The following SNRPC variants were observed in gnomAD, a reference collection of about 807,000 sequenced individuals.
SNRPC encodes the protein U1 small nuclear ribonucleoprotein C.
Under a neutral mutation model 20.0 loss-of-function variants are expected in SNRPC, and 5 were observed. The ratio of observed to expected loss-of-function variants is 0.25; its 90% CI spans 0.13 to 0.53. The LOEUF is 0.53. Ranked by LOEUF, SNRPC falls within the 20% of genes least tolerant of loss-of-function variation. The probability of loss-of-function intolerance (pLI) is 0.96; values close to 1 mark genes in which losing one functional copy is unlikely to be tolerated. For synonymous variants in SNRPC, 61 were observed against 58.7 expected (o/e 1.04, Z -0.18); for missense variants, 112 against 224.1 (o/e 0.50, Z 3.19).
At chr6:34,764,141 C>T (rs1049361713) in intron 3 of SNRPC, among the ~76,000 whole-genome samples, 2 of 150,146 alleles carry the variant, frequency 1.3e-5, no homozygotes, top group South Asian at 2.1e-4. Flanking sequence ...GTCAGGAGTT[C>T]GAGACCAGCT....
chr6:34,764,977 C>T (rs1242954640), intron 3 of SNRPC, among the ~76,000 whole-genome samples: 3 of 152,150 alleles, frequency 2.0e-5, no homozygotes, highest in East Asian at 3.9e-4. Context: ...ACAGAGATCT[C>T]GCCACTGCAT....
At chr6:34,765,709 A>T (rs1017437213) in intron 3 of SNRPC, among the ~76,000 whole-genome samples, 1 of 151,188 alleles carries the variant, frequency 6.6e-6, no homozygotes, top group Admixed American at 6.6e-5. Flanking sequence ...AAGTGCTGGG[A>T]TTACAGGCCA....
At chr6:34,767,875 C>CTTTTTTTTTTT in intron 3 of SNRPC, 33 bp from the exon 4 acceptor site, 1 of 1,343,338 alleles carries the variant, frequency 7.4e-7, no homozygotes, top group Admixed American at 2.8e-5. Context: ...TCTTATTCAT[C>CTTTTTTTTTTT]TTTTTTTTTT....
chr6:34,768,578 C>A (rs1764644142), intron 4 of SNRPC, among the ~76,000 whole-genome samples: 1 of 151,756 alleles, frequency 6.6e-6, no homozygotes, highest in African/African-American at 2.4e-5. Context: ...ATCGTGAAAC[C>A]CCATCCCTAC....
Position 34,767,903 on chromosome 6 carries a change from C to G in SNRPC, c.161-5C>G. On this transcript the variant is annotated splice_region_variant and splice_polypyrimidine_tract_variant and intron_variant, in intron 3 of 5. Transcript: ENST00000244520. Reference sequence around the variant, plus strand: ...TTTTTTTTTTTTTTTCCTCACCCTCCAAAGCGGCTGCATTTCAACAAGGAA... The same window carrying G: ...TTTTTTTTTTTTTTTCCTCACCCTCGAAAGCGGCTGCATTTCAACAAGGAA... The G allele has an allele frequency of 1.3e-6, 2 of 1,491,512 alleles. No homozygotes were observed. Among genetic ancestry groups the G allele is most frequent in the Non-Finnish European group, 1.8e-6 (2 of 1,109,488 alleles). The allele number at this position is 1,491,512 out of a possible 1,614,324, so 92.4% of individuals were successfully genotyped here. A position where few individuals can be genotyped will look rare whatever the true frequency, so the allele number is the denominator to read the frequency against.
At chr6:34,763,693 T>C (rs1424344212) in intron 3 of SNRPC, among the ~76,000 whole-genome samples, 2 of 136,522 alleles carry the variant, frequency 1.5e-5, no homozygotes, top group Non-Finnish European at 1.6e-5. Flanking sequence ...AAAAAAAAAA[T>C]TAAAAATTTG....
In SNRPC at chr6:34,768,129, A is replaced by G. The variant is rs919082982; in HGVS notation, c.250+132A>G. 1.6e-5 allele frequency: 10 copies of G among 627,372 alleles called. No homozygotes were observed. In the African/African-American group the frequency reaches 1.9e-4, roughly 12 times the overall value. 38.9% of individuals were successfully genotyped at this position (627,372 alleles called of 1,614,324 possible). ...GATAGTAATATAAATGTATAAATATATAAATGTTGAATATAGATGCAGGTA... is the reference window on the plus strand; with the variant it reads ...GATAGTAATATAAATGTATAAATATGTAAATGTTGAATATAGATGCAGGTA... On this transcript the variant is annotated intron_variant, in intron 4 of 5. Transcript: ENST00000244520.
intron 3 of SNRPC, among the ~76,000 whole-genome samples, chr6:34,765,435 ATTTAT>A (rs1308358578): frequency 7.9e-5 from 12 of 150,990 alleles, no homozygotes; most frequent in Non-Finnish European, 1.6e-4. Flanking sequence ...TTATTTATTT[ATTTAT>A]TTTATTTATT....
chr6:34,758,220 G>T (rs1478182397), intron 2 of SNRPC, among the ~76,000 whole-genome samples: 1 of 152,160 alleles, frequency 6.6e-6, no homozygotes, highest in Non-Finnish European at 1.5e-5. Context: ...CCAGGCTGCA[G>T]TGAGGCATGA....
chr6:34,760,263 C>T (rs1764517781), intron 2 of SNRPC, among the ~76,000 whole-genome samples: 1 of 151,978 alleles, frequency 6.6e-6, no homozygotes, highest in African/African-American at 2.4e-5. Context: ...CAGGCCTGCA[C>T]CACCACACCT....
In SNRPC at chr6:34,763,433, G is replaced by A. The variant is rs148339687; in HGVS notation, c.160+730G>A. On this transcript the variant is annotated intron_variant, in intron 3 of 5. Coordinates refer to ENST00000244520, the MANE Select transcript of SNRPC (RefSeq NM_003093.3). ...GCAGTGGCTGATGCCTGTAATCCCA[G>A]TACTTTGGGAGGCCGAGGCTGGCAG... Among the ~76,000 whole-genome samples, 1,120 of 152,162 alleles carry A rather than the reference G, an allele frequency of 7.4e-3. 21 individuals carry two copies. Among genetic ancestry groups the A allele is most frequent in the African/African-American group, 0.026 (1,065 of 41,518 alleles).
At chr6:34,759,625 GAAGA>G (rs1248230935) in intron 2 of SNRPC, among the ~76,000 whole-genome samples, 7 of 152,182 alleles carry the variant, frequency 4.6e-5, no homozygotes, top group Non-Finnish European at 1.5e-5. Flanking sequence ...TACATACGTT[GAAGA>G]ATACAGTGAT....
intron 2 of SNRPC, among the ~76,000 whole-genome samples, chr6:34,758,754 A>G (rs572104841): frequency 6.6e-6 from 1 of 152,280 alleles, no homozygotes; most frequent in Non-Finnish European, 1.5e-5. Context: ...GTTCAAATGT[A>G]GACACATTTG....
At chr6:34,768,471 G>T (rs2127407459) in intron 4 of SNRPC, among the ~76,000 whole-genome samples, 1 of 152,270 alleles carries the variant, frequency 6.6e-6, no homozygotes, top group Middle Eastern at 3.4e-3. Flanking sequence ...TAAGAATTAG[G>T]CTGGGCGTGG....
intron 5 of SNRPC, among the ~76,000 whole-genome samples, chr6:34,770,744 A>G (rs1215672619): frequency 1.3e-5 from 2 of 152,110 alleles, no homozygotes; most frequent in Non-Finnish European, 2.9e-5. Flanking sequence ...GCTTTTGGCC[A>G]TTTATACTGA....
intron 5 of SNRPC, among the ~76,000 whole-genome samples, chr6:34,771,525 G>A (rs1329683138): frequency 6.6e-6 from 1 of 151,958 alleles, no homozygotes; most frequent in East Asian, 1.9e-4. Context: ...AGCATTTTTT[G>A]GTGATAGTTT....
chr6:34,763,231 A>G (rs1330488813), intron 3 of SNRPC, among the ~76,000 whole-genome samples: 1 of 152,186 alleles, frequency 6.6e-6, no homozygotes, highest in East Asian at 1.9e-4. Flanking sequence ...TTTGTTAGGA[A>G]CATTTTGTTC....
At chr6:34,772,765 C>G (rs570414469) in intron 5 of SNRPC, among the ~76,000 whole-genome samples, 2 of 152,104 alleles carry the variant, frequency 1.3e-5, no homozygotes, top group Non-Finnish European at 2.9e-5. Flanking sequence ...CCTCCCCTAC[C>G]CCTCTGCCTG....
At chr6:34,767,846 A>G (rs1360551133) in intron 3 of SNRPC, 62 bp from the exon 4 acceptor site, 1 of 1,482,680 alleles carries the variant, frequency 6.7e-7, no homozygotes, top group Non-Finnish European at 9.0e-7. Context: ...TGGTTATTTT[A>G]GTTACTGGAT....
Sources: gnomAD v4.1 joint callset for allele counts (sites outside exome capture counted in the v4.1 genomes callset) on GRCh38, gnomAD v4.1.1 for gene constraint, MANE v1.5 for transcripts, NCBI Gene and HGNC (gene_info 2026-07-23, HGNC 2026-07-21) for gene names.